The following VSIG8 variants were observed in gnomAD, a reference collection of about 807,000 sequenced individuals.
VSIG8 encodes V-set and immunoglobulin domain containing 8.
A neutral mutation model predicts 42.6 loss-of-function variants in VSIG8; 32 were observed. The observed-to-expected ratio is 0.75, with a 90% CI of 0.57 to 1.01. VSIG8 has a LOEUF of 1.01. Among genes scored for constraint, VSIG8 ranks in the 50% least tolerant of loss-of-function variants. VSIG8 has a pLI of 0.00. For synonymous variants in VSIG8, 290 were observed against 243.8 expected, an observed-to-expected ratio of 1.19 and a Z score of -1.77; for missense variants, 529 against 558.0, an observed-to-expected ratio of 0.95 and a Z score of 0.52.
intron 5 of VSIG8, 40 bp downstream of exon 5, chr1:159,856,484 A>G (rs1648829250): frequency 6.2e-7 from 1 of 1,608,610 alleles, no homozygotes; most frequent in Non-Finnish European, 8.5e-7. Context: ...CTCCAGTTCA[A>G]CCCTCCCAAC....
In VSIG8 at chr1:159,855,854, A is replaced by T. The variant is rs564395815; in HGVS notation, c.971+29T>A. 2.6e-6 allele frequency: 4 copies of T among 1,530,198 alleles called. No homozygotes were observed. The South Asian group carries it at 5.1e-5, about 20-fold the overall frequency. The allele number at this position is 1,530,198 out of a possible 1,614,324, so 94.8% of individuals were successfully genotyped here. ...GCAGGGCGCCGGTTCCCTGCCGCAC[A>T]GCAGCATGCAGCATGCATCAGGTTT... On this transcript the variant is annotated intron_variant, in intron 6 of 6. Transcript: ENST00000368100.
rs1571163967 is a variant in VSIG8, at chr1:159,854,590, C to A, written c.*163G>T. ...CCCCTTCCCACTTTTGGGGAGGAGGCTCTGCCTCCCTACGCATTTCCTTAG... is the reference window on the plus strand; with the variant it reads ...CCCCTTCCCACTTTTGGGGAGGAGGATCTGCCTCCCTACGCATTTCCTTAG... On this transcript the variant is annotated 3_prime_UTR_variant, in exon 7 of 7. Transcript: ENST00000368100. The A allele has an allele frequency of 5.5e-6, 7 of 1,270,712 alleles. No homozygotes were observed. The African/African-American group carries it at 1.1e-4, about 20-fold the overall frequency. The allele number at this position is 1,270,712 out of a possible 1,614,324, so 78.7% of individuals were successfully genotyped here.
intron 1 of VSIG8, among the ~76,000 whole-genome samples, chr1:159,860,286 C>A (rs1648978581): frequency 6.6e-6 from 1 of 152,218 alleles, no homozygotes; most frequent in Admixed American, 6.5e-5. Flanking sequence ...TATATGGCCC[C>A]ACCTTCCTAC....
At chr1:159,861,743 G>T (rs1649031845) in intron 1 of VSIG8, 1 of 152,252 alleles carries the variant, frequency 6.6e-6, no homozygotes, top group South Asian at 2.1e-4. Context: ...AATGCCCCTT[G>T]GTGGAACTTG....
At position 159,856,610 on chromosome 1, in the gene VSIG8, A is replaced by G. The variant is rs752071316; in HGVS notation, c.686T>C (p.Ile229Thr). The part of the protein sequence containing the change: ...LNNGDLVLKD[I>T]SRADDGLYQC... Reference sequence around the variant, plus strand: ...ATACAGCCCATCATCTGCTCTGGAGATATCCTTCAACACCAGGTCCCCATT... The same window carrying G: ...ATACAGCCCATCATCTGCTCTGGAGGTATCCTTCAACACCAGGTCCCCATT... The change falls in exon 5 of 7, where the codon ATC becomes ACC. Residue 229 changes from isoleucine (I) to threonine (T), a missense_variant. By Grantham distance (89) the Ile-to-Thr change is moderately conservative (BLOSUM62 -1). Transcript: ENST00000368100. 3.7e-6 allele frequency: 6 copies of G among 1,614,048 alleles called. No individual in the cohort carries two copies. The Admixed American group carries it at 1.0e-4, about 27-fold the overall frequency.
At chr1:159,861,466 A>C (rs1649019521) in intron 1 of VSIG8, 2 of 150,090 alleles carry the variant, frequency 1.3e-5, no homozygotes, top group African/African-American at 2.5e-5. Context: ...CACAGGGGGA[A>C]GTCCGGGTCC....
At chr1:159,860,353 A>G (rs1648980218) in intron 1 of VSIG8, among the ~76,000 whole-genome samples, 1 of 152,234 alleles carries the variant, frequency 6.6e-6, no homozygotes, top group Non-Finnish European at 1.5e-5. Flanking sequence ...ACACAAACAC[A>G]GAACATATTA....
chr1:159,862,392 G>T, intron 1 of VSIG8, 81 bp downstream of exon 1: 1 of 1,467,352 alleles, frequency 6.8e-7, no homozygotes, highest in Non-Finnish European at 9.3e-7. Context: ...GCAGCCCCAG[G>T]CTCCACTGTG....
rs756346881 is a variant in VSIG8 at position 159,854,606 on chromosome 1, A to T, written c.*147T>A. The T allele has an allele frequency of 7.6e-7, 1 of 1,310,474 alleles. No individual in the cohort carries two copies. Among genetic ancestry groups the T allele is most frequent in the Non-Finnish European group, 9.7e-7 (1 of 1,027,246 alleles). 81.2% of individuals were successfully genotyped at this position (1,310,474 alleles called of 1,614,324 possible). ...GGGAGGAGGCTCTGCCTCCCTACGC[A>T]TTTCCTTAGGGAAATGCCTTCACCC... On this transcript the variant is annotated 3_prime_UTR_variant, in exon 7 of 7. Coordinates refer to ENST00000368100, the MANE Select transcript of VSIG8 (RefSeq NM_001013661.1).
At chr1:159,855,162 C>T (rs1162850739) in intron 6 of VSIG8, 136 bp from the exon 7 acceptor site, 12 of 1,551,690 alleles carry the variant, frequency 7.7e-6, no homozygotes, top group Admixed American at 3.9e-5. Context: ...CTCTCTCCCT[C>T]GGCCTCGACC....
intron 4 of VSIG8, among the ~76,000 whole-genome samples, 195 bp from the exon 5 acceptor site, chr1:159,856,838 A>C (rs552700611): frequency 1.8e-4 from 28 of 152,250 alleles, no homozygotes; most frequent in African/African-American, 6.7e-4. Context: ...AAGAGATGCA[A>C]GAAAGGACCT....
At position 159,855,043 on chromosome 1, in the gene VSIG8, G is replaced by A; in HGVS notation, c.972-17C>T. On this transcript the variant is annotated splice_polypyrimidine_tract_variant and intron_variant, in intron 6 of 6. Transcript: ENST00000368100. ...GCGTCCTCTCTGTGGAAAACAACAG[G>A]CGGGCGGGTGAGCGGGCTGCTCCGC... 1 of 1,573,518 alleles carries A rather than the reference G, an allele frequency of 6.4e-7. No individual in the cohort carries two copies. The highest frequency in any genetic ancestry group is 8.6e-7 in the Non-Finnish European group (1 of 1,160,382).
intron 3 of VSIG8, 26 bp from the exon 4 acceptor site, chr1:159,857,992 C>T (rs751349846): frequency 6.2e-7 from 1 of 1,612,218 alleles, no homozygotes; most frequent in South Asian, 1.1e-5. Flanking sequence ...CAATTGTAAG[C>T]CAGGGCCCAG....
rs780102611 is a variant in VSIG8, at chr1:159,857,780, G to A, written c.617C>T (p.Ser206Phe). 1 of 1,614,144 alleles carries A rather than the reference G, an allele frequency of 6.2e-7. No homozygotes were observed. Among genetic ancestry groups the A allele is most frequent in the South Asian group, 1.1e-5 (1 of 91,082 alleles). ...TSQHSYHSEL[S>F]YQESFHSSIN... ...GGAGCTGTGGAAGGACTCCTGGTAGGACAGCTCTGAGTGGTAGCTGTGCTG... is the reference window on the plus strand; with the variant it reads ...GGAGCTGTGGAAGGACTCCTGGTAGAACAGCTCTGAGTGGTAGCTGTGCTG... The change falls in exon 4 of 7, where the codon TCC becomes TTC. Residue 206 changes from serine to phenylalanine, a missense_variant. Transcript: ENST00000368100.
Position 159,858,809 on chromosome 1 carries a change from C to T in VSIG8, c.153G>A (p.Glu51=), listed in dbSNP as rs1240570973. The T allele has an allele frequency of 3.1e-6, 5 of 1,613,908 alleles. No individual in the cohort carries two copies. Among genetic ancestry groups the T allele is most frequent in the South Asian group, 2.2e-5 (2 of 91,076 alleles). Residue 51 remains glutamate (E), a synonymous_variant, in exon 2 of 7, where the codon GAG becomes GAA. Transcript: ENST00000368100. ...TGTCCAGCCCATTGGGACCATAGTC[C>T]TCAGGGTCCAGGACGTAGGGGCAGC... ...RLGCPYVLDP[E]DYGPNGLDIE...
At chr1:159,855,835 C>T (rs1177048163) in intron 6 of VSIG8, 48 bp downstream of exon 6, 2 of 1,499,386 alleles carry the variant, frequency 1.3e-6, no homozygotes, top group Middle Eastern at 5.0e-4. Flanking sequence ...GTGGGCAGGG[C>T]GCCGGTTCCC....
chr1:159,859,955 C>T (rs924103804), intron 1 of VSIG8, among the ~76,000 whole-genome samples: 2 of 152,052 alleles, frequency 1.3e-5, no homozygotes, highest in East Asian at 3.9e-4. Flanking sequence ...ACCGGTTGGA[C>T]CTAGAGAGGG....
chr1:159,855,383 C>T (rs767830046), intron 6 of VSIG8: 26 of 1,433,176 alleles, frequency 1.8e-5, no homozygotes, highest in Non-Finnish European at 2.3e-5. Context: ...TGACCTTGCT[C>T]GAGCAATCTC....
chr1:159,857,666 A>G (rs2494503), intron 4 of VSIG8, 79 bp downstream of exon 4: 801,819 of 1,219,690 alleles, frequency 0.66, 265,021 homozygotes, highest in Admixed American at 0.78. Flanking sequence ...GGCACTGATA[A>G]CCCAAGGAAA....
Sources: gnomAD v4.1 joint callset for allele counts (sites outside exome capture counted in the v4.1 genomes callset) on GRCh38, gnomAD v4.1.1 for gene constraint, MANE v1.5 for transcripts, NCBI Gene and HGNC (gene_info 2026-07-23, HGNC 2026-07-21) for gene names.